The following ATP10D variants were observed in gnomAD, a reference collection of about 807,000 sequenced individuals.
The protein encoded by ATP10D is ATPase phospholipid transporting 10D (putative).
In ATP10D, 89 loss-of-function variants were observed where a neutral mutation model predicts 144.8. The observed-to-expected ratio is 0.61, with a 90% CI of 0.52 to 0.73. ATP10D has a LOEUF of 0.73. Ranked by LOEUF, ATP10D falls within the 30% of genes least tolerant of loss-of-function variation. ATP10D has a pLI of 0.00. For synonymous variants in ATP10D, 571 were observed against 615.1 expected, an observed-to-expected ratio of 0.93 and a Z score of 1.06; for missense variants, 1,603 against 1,714.8, an observed-to-expected ratio of 0.93 and a Z score of 1.15.
At chr4:47,589,073 G>A (rs1339421909) in intron 22 of ATP10D, among the ~76,000 whole-genome samples, 1 of 152,090 alleles carries the variant, frequency 6.6e-6, no homozygotes, top group Non-Finnish European at 1.5e-5. Flanking sequence ...AGGGAGATTT[G>A]ACACAGAAGA....
intron 3 of ATP10D, among the ~76,000 whole-genome samples, chr4:47,516,989 ATACTT>A (rs1384040119): frequency 6.6e-6 from 1 of 152,246 alleles, no homozygotes; most frequent in East Asian, 1.9e-4. Flanking sequence ...ATAAGAAACA[ATACTT>A]TACAATGATT....
At chr4:47,524,225 C>T (rs1717118347) in intron 4 of ATP10D, among the ~76,000 whole-genome samples, 1 of 152,056 alleles carries the variant, frequency 6.6e-6, no homozygotes, top group Non-Finnish European at 1.5e-5. Flanking sequence ...TGCGCTCGGT[C>T]TATTTTTTTT....
chr4:47,506,088 T>G lies in ATP10D; in HGVS notation c.-37-6416T>G, dbSNP rs544915465. On this transcript the variant is annotated intron_variant, in intron 1 of 22. Coordinates refer to ENST00000273859, the MANE Select transcript of ATP10D (RefSeq NM_020453.4). ...AGGAACTTAGTATCTTTTAGATACA[T>G]TCTGTTAGTGATGGAGTGTAGTTTT... 2.5e-3 allele frequency among the ~76,000 whole-genome samples: 388 copies of G among 152,308 alleles called. 1 individual carries two copies. The highest frequency in any genetic ancestry group is 4.5e-3 in the Non-Finnish European group (308 of 68,018).
chr4:47,571,370 T>C (rs948291740), intron 16 of ATP10D, among the ~76,000 whole-genome samples: 1 of 150,022 alleles, frequency 6.7e-6, no homozygotes, highest in Non-Finnish European at 1.5e-5. Flanking sequence ...TTATAACTTA[T>C]AATAATATTA....
intron 20 of ATP10D, among the ~76,000 whole-genome samples, chr4:47,580,998 G>C (rs1226629250): frequency 6.6e-6 from 1 of 152,138 alleles, no homozygotes; most frequent in African/African-American, 2.4e-5. Context: ...AGGAGGTCTA[G>C]GCTGCAGTGA....
chr4:47,514,337 C>T (rs1716516159), intron 2 of ATP10D, among the ~76,000 whole-genome samples: 1 of 152,048 alleles, frequency 6.6e-6, no homozygotes, highest in Admixed American at 6.6e-5. Flanking sequence ...GGAATAAAAA[C>T]CTGAAACAGA....
rs1479701513 is a variant in ATP10D, at chr4:47,511,375, G to A, written c.-37-1129G>A. On this transcript the variant is annotated intron_variant, in intron 1 of 22. Transcript: ENST00000273859. ...TGATAAGACGGGCTATCTATTGTGG[G>A]TCCAATATCCAGGCACAACTACATA... Among the ~76,000 whole-genome samples the A allele has an allele frequency of 2.6e-5, 4 of 152,106 alleles. No individual in the cohort carries two copies. In the East Asian group the frequency reaches 7.7e-4, roughly 29 times the overall value.
intron 5 of ATP10D, among the ~76,000 whole-genome samples, chr4:47,527,920 A>G (rs1287874567): frequency 1.3e-5 from 2 of 152,190 alleles, no homozygotes; most frequent in African/African-American, 4.8e-5. Context: ...ATATTTGTCC[A>G]TTCTATGACC....
intron 21 of ATP10D, among the ~76,000 whole-genome samples, chr4:47,586,279 T>C (rs10020103): frequency 0.019 from 2,889 of 152,326 alleles, 98 homozygotes; most frequent in African/African-American, 0.066. Flanking sequence ...AGAAAAATAA[T>C]ATTGCAAGAT....
At chr4:47,534,117 AT>A in intron 5 of ATP10D, among the ~76,000 whole-genome samples, 1 of 152,280 alleles carries the variant, frequency 6.6e-6, no homozygotes, top group South Asian at 2.1e-4. Flanking sequence ...AAATTGAGTC[AT>A]TGAGCTTACA....
intron 18 of ATP10D, among the ~76,000 whole-genome samples, chr4:47,575,736 T>C (rs1358854147): frequency 6.6e-6 from 1 of 152,154 alleles, no homozygotes; most frequent in African/African-American, 2.4e-5. Flanking sequence ...CTGTTCAGGC[T>C]GCTGTAACAA....
intron 19 of ATP10D, among the ~76,000 whole-genome samples, chr4:47,577,572 AT>A (rs1426918289): frequency 6.6e-6 from 1 of 152,140 alleles, no homozygotes; most frequent in Admixed American, 6.5e-5. Context: ...CAAGCTCTCA[AT>A]GTTGTCATTT....
chr4:47,488,675 A>C (rs1714906272), intron 1 of ATP10D, among the ~76,000 whole-genome samples: 1 of 151,906 alleles, frequency 6.6e-6, no homozygotes, highest in Non-Finnish European at 1.5e-5. Flanking sequence ...TCCCTTTAAA[A>C]AGATACTATA....
chr4:47,536,328 G>T, intron 7 of ATP10D, 109 bp from the exon 8 acceptor site: 1 of 1,376,778 alleles, frequency 7.3e-7, no homozygotes, highest in African/African-American at 1.5e-5. Flanking sequence ...ACAAACAGTT[G>T]ATGTCCAACC....
At chr4:47,491,085 T>C (rs1715049472) in intron 1 of ATP10D, 2 of 728,956 alleles carry the variant, frequency 2.7e-6, no homozygotes, top group Admixed American at 3.5e-5. Context: ...GGTGCTTCAG[T>C]TGAACCCAGG....
chr4:47,556,126 A>G (rs558476856), intron 11 of ATP10D, among the ~76,000 whole-genome samples: 11 of 152,324 alleles, frequency 7.2e-5, no homozygotes, highest in African/African-American at 2.6e-4. Context: ...TGCGGAGGAA[A>G]ACTTGTTTAA....
At chr4:47,524,658 GT>G (rs1375256113) in intron 4 of ATP10D, among the ~76,000 whole-genome samples, 15 of 152,160 alleles carry the variant, frequency 9.9e-5, no homozygotes, top group African/African-American at 3.6e-4. Flanking sequence ...ACACTTTCTT[GT>G]TTTGAGAACT....
chr4:47,586,913 A>T lies in ATP10D; in HGVS notation c.3754-106A>T, dbSNP rs903823559. The T allele has an allele frequency of 1.1e-5, 11 of 956,622 alleles. No individual in the cohort carries two copies. In the Admixed American group the frequency reaches 2.0e-4, roughly 17 times the overall value. The allele number at this position is 956,622 out of a possible 1,614,324, so 59.3% of individuals were successfully genotyped here. A position where few individuals can be genotyped will look rare whatever the true frequency, so the allele number is the denominator to read the frequency against. ...TTTATTCAGGTTTGTTACACCATTC[A>T]TCCAGTGCTTAGATGTGTTGTCTCT... On this transcript the variant is annotated intron_variant, in intron 21 of 22. Coordinates refer to ENST00000273859, the MANE Select transcript of ATP10D (RefSeq NM_020453.4).
intron 18 of ATP10D, among the ~76,000 whole-genome samples, chr4:47,574,547 TTTTCA>T (rs1720125885): frequency 6.6e-6 from 1 of 152,038 alleles, no homozygotes; most frequent in African/African-American, 2.4e-5. Context: ...AAACAATACA[TTTTCA>T]GAAACTGGTC....
Sources: allele counts gnomAD v4.1 joint callset (sites outside exome capture counted in the v4.1 genomes callset), GRCh38; gene constraint gnomAD v4.1.1; transcripts MANE v1.5; gene names NCBI Gene and HGNC (gene_info 2026-07-23, HGNC 2026-07-21).